DOCK5: variants seen among roughly 807,000 people sequenced by gnomAD.
DOCK5 encodes the protein dedicator of cytokinesis 5, also known as dedicator of cytokinesis protein 5.
DOCK5 carries 142 observed loss-of-function variants against 251.8 expected under a neutral mutation model. The observed-to-expected ratio is 0.56, with a 90% CI of 0.49 to 0.65. The LOEUF (loss-of-function observed/expected upper bound fraction) is 0.65, where lower values mean the gene tolerates loss of function less well. Ranked by LOEUF, DOCK5 falls within the 30% of genes least tolerant of loss-of-function variation. The pLI, the probability that DOCK5 is intolerant of heterozygous loss-of-function variation, is 0.00. For missense variants in DOCK5, 2,111 were observed against 2,312.3 expected (o/e 0.91, Z 1.79); for synonymous variants, 842 against 835.5 (o/e 1.01, Z -0.13).
intron 13 of DOCK5, among the ~76,000 whole-genome samples, chr8:25,313,666 A>G (rs529764967): frequency 7.9e-5 from 12 of 152,302 alleles, no homozygotes; most frequent in Non-Finnish European, 1.2e-4. Context: ...TTCAACACCA[A>G]GGTGACAGCA....
chr8:25,197,793 C>G (rs1211194829), intron 1 of DOCK5, among the ~76,000 whole-genome samples: 9 of 140,296 alleles, frequency 6.4e-5, no homozygotes, highest in African/African-American at 2.0e-4. Flanking sequence ...CTCTGTCACC[C>G]AGGCTGGAGT....
rs147350685 is a variant in DOCK5 at position 25,345,505 on chromosome 8, C to G, written c.2648C>G (p.Thr883Arg). ...ECREVLLPLLTDQLSGQLDDN... is the reference protein window; with the variant it reads ...ECREVLLPLLRDQLSGQLDDN... ...AGAGAAGTGCTGCTGCCACTGCTGA[C>G]AGACCAGCTCAGCGGCCAGTTAGAT... The change falls in exon 26 of 52, where the codon ACA (threonine) becomes AGA (arginine). Residue 883 changes from threonine (T) to arginine (R), a missense_variant. Coordinates refer to ENST00000276440, the MANE Select transcript of DOCK5 (RefSeq NM_024940.8). 121 of 1,613,830 alleles carry G rather than the reference C, an allele frequency of 7.5e-5. No individual in the cohort carries two copies. In the African/African-American group the frequency reaches 1.4e-3, roughly 19 times the overall value.
At chr8:25,220,155 TG>T (rs1360700612) in intron 1 of DOCK5, among the ~76,000 whole-genome samples, 3 of 152,128 alleles carry the variant, frequency 2.0e-5, no homozygotes, top group African/African-American at 7.2e-5. Context: ...TGCCAGGTTT[TG>T]TTTTGTTTCG....
chr8:25,196,618 A>G (rs1133948), intron 1 of DOCK5, among the ~76,000 whole-genome samples: 21,779 of 152,148 alleles, frequency 0.14, 2,531 homozygotes, highest in African/African-American at 0.33. Context: ...TGAAAATATA[A>G]ATTAATTTGT....
chr8:25,405,116 T>C (rs1016798965), intron 48 of DOCK5, among the ~76,000 whole-genome samples: 1 of 152,168 alleles, frequency 6.6e-6, no homozygotes. Flanking sequence ...AATTTCTCCT[T>C]TATCTTTTGA....
chr8:25,244,393 T>C (rs1803040543), intron 2 of DOCK5, among the ~76,000 whole-genome samples: 1 of 152,236 alleles, frequency 6.6e-6, no homozygotes, highest in Non-Finnish European at 1.5e-5. Context: ...TCAGGTTCTC[T>C]AAATCCTAGA....
At chr8:25,408,643 G>T (rs1480282911) in intron 49 of DOCK5, among the ~76,000 whole-genome samples, 159 bp from the exon 50 acceptor site, 1 of 152,206 alleles carries the variant, frequency 6.6e-6, no homozygotes, top group East Asian at 1.9e-4. Context: ...TCTAGTCAGT[G>T]CCTGTTCGGT....
chr8:25,220,129 G>A (rs1320542907), intron 1 of DOCK5, among the ~76,000 whole-genome samples: 1 of 151,326 alleles, frequency 6.6e-6, no homozygotes, highest in African/African-American at 2.4e-5. Flanking sequence ...TCTAATACTT[G>A]CACTGCCTCT....
chr8:25,380,401 C>A lies in DOCK5; in HGVS notation c.4026+7C>A. Reference sequence around the variant, plus strand: ...GGGCCTTGGCAACCTCCTGGTGAGTCTGGGTCAAAATATGTTAGGCCTCTG... The same window carrying A: ...GGGCCTTGGCAACCTCCTGGTGAGTATGGGTCAAAATATGTTAGGCCTCTG... On this transcript the variant is annotated splice_region_variant and intron_variant, in intron 39 of 51. Coordinates refer to ENST00000276440, the MANE Select transcript of DOCK5 (RefSeq NM_024940.8). The A allele has an allele frequency of 7.5e-6, 12 of 1,602,760 alleles. No homozygotes were observed. The highest frequency in any genetic ancestry group is 1.0e-5 in the Non-Finnish European group (12 of 1,173,840).
At chr8:25,217,777 G>A (rs1157351072) in intron 1 of DOCK5, among the ~76,000 whole-genome samples, 2 of 152,216 alleles carry the variant, frequency 1.3e-5, no homozygotes, top group South Asian at 2.1e-4. Flanking sequence ...ATTGAATCAT[G>A]TAGTGAGGAA....
At chr8:25,245,510 T>C (rs1803075110) in intron 2 of DOCK5, among the ~76,000 whole-genome samples, 1 of 151,862 alleles carries the variant, frequency 6.6e-6, no homozygotes, top group African/African-American at 2.4e-5. Context: ...TTGGAAAGAA[T>C]GTATATTTAA....
chr8:25,288,984 T>C lies in DOCK5; in HGVS notation c.322-3040T>C, dbSNP rs574795710. 2.6e-5 allele frequency among the ~76,000 whole-genome samples: 4 copies of C among 152,330 alleles called. No individual in the cohort carries two copies. In the East Asian group the frequency reaches 7.7e-4, roughly 29 times the overall value. On this transcript the variant is annotated intron_variant, in intron 5 of 51. Transcript: ENST00000276440. ...TGTGTTTTTTTAAGATCAGTGGTGT[T>C]AACAGAGCATATTGCAATCACAGAT...
intron 7 of DOCK5, among the ~76,000 whole-genome samples, chr8:25,297,852 A>G (rs73560420): frequency 0.016 from 2,384 of 152,078 alleles, 54 homozygotes; most frequent in African/African-American, 0.054. Context: ...TTCAAGACCA[A>G]CTGGGCAAAT....
intron 1 of DOCK5, among the ~76,000 whole-genome samples, chr8:25,194,877 A>C (rs898113144): frequency 3.3e-5 from 5 of 151,944 alleles, no homozygotes; most frequent in Non-Finnish European, 1.5e-5. Context: ...TTTCCATTTC[A>C]ATGCAAGCCT....
chr8:25,332,526 C>T (rs1457603915), intron 19 of DOCK5, 77 bp from the exon 20 acceptor site: 4 of 1,311,748 alleles, frequency 3.0e-6, no homozygotes, highest in South Asian at 1.4e-5. Flanking sequence ...TTGATTTAAA[C>T]TAGTTGTACC....
chr8:25,214,144 C>T (rs539484391), intron 1 of DOCK5, among the ~76,000 whole-genome samples: 69 of 152,222 alleles, frequency 4.5e-4, no homozygotes, highest in East Asian at 1.9e-3. Context: ...CTCATGGCAA[C>T]GCTCTAACAG....
At chr8:25,339,991 C>A (rs886551667) in intron 22 of DOCK5, among the ~76,000 whole-genome samples, 1 of 152,086 alleles carries the variant, frequency 6.6e-6, no homozygotes, top group Non-Finnish European at 1.5e-5. Context: ...TGGACTGATT[C>A]GAGCTCGTAG....
intron 21 of DOCK5, among the ~76,000 whole-genome samples, chr8:25,334,960 A>G (rs1586338603): frequency 1.3e-5 from 2 of 152,238 alleles, no homozygotes; most frequent in South Asian, 4.1e-4. Flanking sequence ...AGTGGTCTCT[A>G]CCTTTTTTGT....
At chr8:25,314,128 T>G (rs1043861157) in intron 13 of DOCK5, among the ~76,000 whole-genome samples, 2 of 149,910 alleles carry the variant, frequency 1.3e-5, no homozygotes, top group African/African-American at 4.9e-5. Context: ...TTTTTTTTTT[T>G]GAGGCAAGGT....
Sources: allele counts gnomAD v4.1 joint callset (sites outside exome capture counted in the v4.1 genomes callset), GRCh38; gene constraint gnomAD v4.1.1; transcripts MANE v1.5; gene names NCBI Gene and HGNC (gene_info 2026-07-23, HGNC 2026-07-21).